Variants in GK observed in about 807,000 individuals in gnomAD.
GK encodes ATP:glycerol 3-phosphotransferase.
GK carries 9 observed loss-of-function variants against 56.4 expected under a neutral mutation model. The ratio of observed to expected loss-of-function variants is 0.16; its 90% CI spans 0.10 to 0.28. The LOEUF is 0.28. GK is among the 10% of genes least tolerant of loss of function. GK has a pLI of 1.00. For missense variants in GK, 161 were observed against 431.4 expected, an observed-to-expected ratio of 0.37 and a Z score of 5.55; for synonymous variants, 104 against 144.1, an observed-to-expected ratio of 0.72 and a Z score of 1.99.
At chrX:30,705,573 G>A (rs770715834) in intron 11 of GK, among the ~76,000 whole-genome samples, 187 of 112,067 alleles carry the variant, frequency 1.7e-3, no homozygotes, top group Non-Finnish European at 2.5e-3. Context: ...AGCAAGCAAC[G>A]TTTACCTTTG....
intron 4 of GK, among the ~76,000 whole-genome samples, chrX:30,688,932 T>C (rs150771234): frequency 4.4e-3 from 490 of 112,455 alleles, no homozygotes; most frequent in African/African-American, 0.015. Context: ...TTCAAATGTA[T>C]TTGTTCATGC....
intron 4 of GK, among the ~76,000 whole-genome samples, chrX:30,684,666 C>CAAAAAAAAAAAA (rs60771873): frequency 4.0e-4 from 13 of 32,399 alleles, no homozygotes; most frequent in Non-Finnish European, 5.5e-4. Context: ...AACTCCATCT[C>CAAAAAAAAAAAA]AAAAAAAAAA....
chrX:30,696,187 A>G (rs373975907), intron 7 of GK, 36 bp downstream of exon 7: 6 of 742,109 alleles, frequency 8.1e-6, no homozygotes, highest in East Asian at 6.4e-5. Flanking sequence ...AGTTTTCCCA[A>G]TACACTACCT....
At chrX:30,680,942 C>G (rs1173851845) in intron 4 of GK, among the ~76,000 whole-genome samples, 1 of 111,905 alleles carries the variant, frequency 8.9e-6, no homozygotes, top group Non-Finnish European at 1.9e-5. Flanking sequence ...ATCTTTAACA[C>G]TAATTGGATT....
intron 3 of GK, among the ~76,000 whole-genome samples, chrX:30,671,319 C>T (rs1218002024): frequency 1.9e-4 from 18 of 94,746 alleles, no homozygotes; most frequent in South Asian, 4.9e-4. Context: ...AAAAAAACAA[C>T]ACTGTAAAGG....
intron 4 of GK, among the ~76,000 whole-genome samples, chrX:30,681,705 A>C (rs1419850758): frequency 8.9e-6 from 1 of 111,967 alleles, no homozygotes; most frequent in East Asian, 2.8e-4. Context: ...TGAGGAAAAA[A>C]GATATATAAC....
chrX:30,658,755 G>A (rs1159314015), intron 1 of GK, among the ~76,000 whole-genome samples: 1 of 112,684 alleles, frequency 8.9e-6, no homozygotes, highest in African/African-American at 3.2e-5. Context: ...ACAAGACTAA[G>A]TGGTAAGAGC....
intron 9 of GK, chrX:30,698,135 T>C (rs1935337170): frequency 7.1e-6 from 1 of 140,189 alleles, no homozygotes; most frequent in African/African-American, 3.2e-5. Flanking sequence ...ACTGTTACTT[T>C]TTCTGCATGC....
At chrX:30,710,471 T>C (rs755595960) in intron 13 of GK, among the ~76,000 whole-genome samples, 1 of 112,012 alleles carries the variant, frequency 8.9e-6, no homozygotes, top group African/African-American at 3.2e-5. Context: ...TTAAAAAAAA[T>C]TAAATTAAAC....
At chrX:30,695,246 GCAC>G in intron 6 of GK, 1 of 594,983 alleles carries the variant, frequency 1.7e-6, no homozygotes, top group Non-Finnish European at 2.2e-6. Context: ...TCAGAAAGAG[GCAC>G]CTTCTTCACC....
At chrX:30,688,873 G>A (rs1304678690) in intron 4 of GK, among the ~76,000 whole-genome samples, 2 of 111,916 alleles carry the variant, frequency 1.8e-5, no homozygotes, top group Non-Finnish European at 3.8e-5. Context: ...GAAAAAACAC[G>A]GTCTAGAATA....
At chrX:30,716,230 T>C (rs1436965582) in intron 13 of GK, among the ~76,000 whole-genome samples, 1 of 112,074 alleles carries the variant, frequency 8.9e-6, no homozygotes, top group Admixed American at 9.5e-5. Flanking sequence ...CTAAAACAAT[T>C]ATGTATGCAT....
intron 3 of GK, among the ~76,000 whole-genome samples, chrX:30,671,291 C>CAAAAAAAAAAAAAAA (rs56822779): frequency 3.7e-5 from 1 of 27,306 alleles, no homozygotes; most frequent in African/African-American, 1.3e-4. Context: ...AACTCCATCT[C>CAAAAAAAAAAAAAAA]AAAAAAAAAA....
chrX:30,711,464 T>A (rs1456011184), intron 13 of GK, among the ~76,000 whole-genome samples: 1 of 111,712 alleles, frequency 9.0e-6, no homozygotes, highest in Non-Finnish European at 1.9e-5. Flanking sequence ...GATCCAAGTC[T>A]GTCTTCAGAT....
At chrX:30,720,530 G>A in intron 16 of GK, 91 bp from the exon 17 acceptor site, 10 of 815,986 alleles carry the variant, frequency 1.2e-5, no homozygotes, top group Non-Finnish European at 1.9e-5. Context: ...GCTCTTGGAA[G>A]CTCTTGAGAG....
intron 3 of GK, chrX:30,671,748 T>C (rs1210978018): frequency 1.8e-5 from 2 of 112,266 alleles, no homozygotes; most frequent in Non-Finnish European, 3.8e-5. Context: ...GGCAATTAAA[T>C]AGACTGCTTC....
At chrX:30,665,289 C>T (rs1022343887) in intron 1 of GK, among the ~76,000 whole-genome samples, 2 of 111,543 alleles carry the variant, frequency 1.8e-5, no homozygotes, top group African/African-American at 6.5e-5. Context: ...CTTAATTTAC[C>T]TTTATCTTCA....
chrX:30,654,736 C>CA (rs918191653), intron 1 of GK, among the ~76,000 whole-genome samples: 8 of 110,363 alleles, frequency 7.2e-5, no homozygotes, highest in Admixed American at 1.9e-4. Context: ...GACTCTGTCT[C>CA]AAAAAAATAA....
intron 11 of GK, among the ~76,000 whole-genome samples, chrX:30,706,757 C>T (rs750625547): frequency 1.7e-4 from 19 of 111,790 alleles, no homozygotes; most frequent in South Asian, 3.7e-4. Flanking sequence ...AATTGCCTTC[C>T]GTTCCATGCC....
Sources: gnomAD v4.1 joint callset for allele counts (sites outside exome capture counted in the v4.1 genomes callset) on GRCh38, gnomAD v4.1.1 for gene constraint, MANE v1.5 for transcripts, NCBI Gene and HGNC (gene_info 2026-07-23, HGNC 2026-07-21) for gene names.